Variants in PRP4K observed in about 807,000 individuals in gnomAD.
The protein encoded by PRP4K is pre-mRNA processing factor kinase PRP4K, also known as serine/threonine-protein kinase PRP4 homolog.
the PRP4K span, among the ~76,000 whole-genome samples, chr6:4,033,114 T>C: frequency 6.6e-6 from 1 of 152,178 alleles, no homozygotes; most frequent in Non-Finnish European, 1.5e-5. Context: ...TCATGAACAG[T>C]GTAGGCTGAA....
At chr6:4,031,838 A>C in the PRP4K span, 1 of 1,614,130 alleles carries the variant, frequency 6.2e-7, no homozygotes, top group Non-Finnish European at 8.5e-7. Context: ...CTTTGCTAGA[A>C]GACTTGGAAA....
At chr6:4,026,434 C>T in the PRP4K span, among the ~76,000 whole-genome samples, 2 of 151,814 alleles carry the variant, frequency 1.3e-5, no homozygotes, top group Non-Finnish European at 2.9e-5. Flanking sequence ...TCCGGAGTAG[C>T]TGGGATTACA....
chr6:4,025,431 G>C, the PRP4K span, among the ~76,000 whole-genome samples: 1 of 152,280 alleles, frequency 6.6e-6, no homozygotes, highest in East Asian at 1.9e-4. Context: ...CTTTAGTTGT[G>C]ATTTGTGACA....
At chr6:4,032,024 G>A in the PRP4K span, 1 of 1,613,936 alleles carries the variant, frequency 6.2e-7, no homozygotes, top group Non-Finnish European at 8.5e-7. Context: ...GTACAAAGGG[G>A]AAACTTGAAC....
chr6:4,035,434 A>AC, the PRP4K span, among the ~76,000 whole-genome samples: 1 of 151,434 alleles, frequency 6.6e-6, no homozygotes, highest in African/African-American at 2.4e-5. Context: ...GGCGTGAGCC[A>AC]CCGCACCCAG....
chr6:4,040,652 G>T, the PRP4K span: 1 of 1,112,524 alleles, frequency 9.0e-7, no homozygotes, highest in East Asian at 2.7e-5. Flanking sequence ...AAGAGTTTTA[G>T]GTTTACAGCA....
the PRP4K span, chr6:4,056,677 T>C: frequency 6.4e-7 from 1 of 1,555,078 alleles, no homozygotes; most frequent in Non-Finnish European, 8.7e-7. Context: ...AGACTGCTCT[T>C]GATTATTCAA....
At chr6:4,022,910 C>T in the PRP4K span, among the ~76,000 whole-genome samples, 12,800 of 151,482 alleles carry the variant, frequency 0.084, 1,035 homozygotes, top group African/African-American at 0.19. Flanking sequence ...AGGGATGTTT[C>T]AGATTCATTT....
chr6:4,063,706 T>C, the PRP4K span: 2 of 152,170 alleles, frequency 1.3e-5, no homozygotes, highest in African/African-American at 4.8e-5. Context: ...AACTGTCTTA[T>C]GTACGTTACA....
At chr6:4,055,107 A>C in the PRP4K span, among the ~76,000 whole-genome samples, 1 of 152,202 alleles carries the variant, frequency 6.6e-6, no homozygotes, top group African/African-American at 2.4e-5. Context: ...AGTGTGGTTT[A>C]AGTACCACAT....
chr6:4,048,546 G>C, the PRP4K span, among the ~76,000 whole-genome samples: 1 of 152,046 alleles, frequency 6.6e-6, no homozygotes, highest in South Asian at 2.1e-4. Context: ...ATCTGGTTTT[G>C]AGTTATTTTC....
the PRP4K span, chr6:4,043,798 G>A: frequency 1.2e-6 from 2 of 1,610,014 alleles, no homozygotes; most frequent in South Asian, 2.2e-5. Flanking sequence ...ATTATCTTCT[G>A]TATTGTTATT....
chr6:4,029,791 T>G, the PRP4K span, among the ~76,000 whole-genome samples: 6 of 152,222 alleles, frequency 3.9e-5, 1 homozygote, highest in East Asian at 5.8e-4. Context: ...GTTTAGGTGA[T>G]CCTTCAGTGT....
At chr6:4,053,055 C>A in the PRP4K span, among the ~76,000 whole-genome samples, 1 of 152,272 alleles carries the variant, frequency 6.6e-6, no homozygotes, top group East Asian at 1.9e-4. Context: ...ATTTTATTGA[C>A]AAGTATGAAG....
the PRP4K span, chr6:4,049,567 AC>A: frequency 1.5e-6 from 1 of 653,412 alleles, no homozygotes; most frequent in Non-Finnish European, 2.6e-6. Context: ...TTCTAACCAC[AC>A]TCTGATAGAG....
chr6:4,048,935 G>A, the PRP4K span: 1 of 873,660 alleles, frequency 1.1e-6, no homozygotes, highest in South Asian at 1.7e-5. Context: ...TATATCTGGT[G>A]TTACCCTTTT....
the PRP4K span, chr6:4,060,881 A>C: frequency 1.2e-5 from 5 of 418,670 alleles, no homozygotes; most frequent in Non-Finnish European, 2.1e-5. This position sits in a 1 kb window ranked among gnomAD's most constrained non-coding sequence, Gnocchi z 4.7. Context: ...TGCAGTTCAC[A>C]TAAAGACAAA....
At chr6:4,033,407 A>T in the PRP4K span, among the ~76,000 whole-genome samples, 4 of 152,182 alleles carry the variant, frequency 2.6e-5, no homozygotes, top group Non-Finnish European at 5.9e-5. Context: ...TCATGTGATT[A>T]TCTTAACTCA....
the PRP4K span, among the ~76,000 whole-genome samples, chr6:4,026,983 T>C: frequency 6.6e-6 from 1 of 152,174 alleles, no homozygotes; most frequent in Non-Finnish European, 1.5e-5. Context: ...GATGTGAGTA[T>C]GCCTATTCAA....
Sources: gnomAD v4.1 joint callset for allele counts (sites outside exome capture counted in the v4.1 genomes callset) on GRCh38, gnomAD v4.1.1 for gene constraint, Gnocchi (gnomAD v3.1) non-coding constraint, MANE v1.5 for transcripts, NCBI Gene and HGNC (gene_info 2026-07-23, HGNC 2026-07-21) for gene names.